The following PCDHA2 variants were observed in gnomAD, a reference collection of about 807,000 sequenced individuals.
PCDHA2 encodes protocadherin alpha-2.
A neutral mutation model predicts 66.0 loss-of-function variants in PCDHA2; 58 were observed. The observed-to-expected ratio is 0.88, with a 90% CI of 0.71 to 1.09. The LOEUF (loss-of-function observed/expected upper bound fraction) is 1.09, where lower values mean the gene tolerates loss of function less well. Ranked by LOEUF, PCDHA2 falls within the 50% of genes least tolerant of loss-of-function variation. The pLI, the probability that PCDHA2 is intolerant of heterozygous loss-of-function variation, is 0.00. For synonymous variants in PCDHA2, 634 were observed against 554.0 expected, an observed-to-expected ratio of 1.14 and a Z score of -2.03; for missense variants, 1,267 against 1,242.3, an observed-to-expected ratio of 1.02 and a Z score of -0.30.
chr5:141,001,126 C>A (rs2097993222), intron 3 of PCDHA2, among the ~76,000 whole-genome samples: 1 of 151,970 alleles, frequency 6.6e-6, no homozygotes, highest in African/African-American at 2.4e-5. Context: ...AGTCCTTAAA[C>A]AAATGAATCT....
chr5:140,936,054 G>A (rs1198755229), intron 1 of PCDHA2, among the ~76,000 whole-genome samples: 2 of 151,770 alleles, frequency 1.3e-5, no homozygotes, highest in Non-Finnish European at 1.5e-5. Flanking sequence ...CACCACACCC[G>A]GCTAATTTTT....
chr5:140,924,830 G>T (rs1240824600), intron 1 of PCDHA2, among the ~76,000 whole-genome samples: 3 of 151,612 alleles, frequency 2.0e-5, no homozygotes, highest in Non-Finnish European at 4.4e-5. Flanking sequence ...GGGAGGGGGA[G>T]GTTGCAGGGA....
At chr5:140,925,146 A>G (rs1467973124) in intron 1 of PCDHA2, among the ~76,000 whole-genome samples, 5 of 151,742 alleles carry the variant, frequency 3.3e-5, no homozygotes, top group Admixed American at 3.3e-4. Flanking sequence ...AACATACACA[A>G]AAGTTGAGAG....
Position 140,854,236 on chromosome 5 carries a change from A to C in PCDHA2, c.2388+56884A>C, listed in dbSNP as rs2043047042. 3.1e-6 allele frequency: 2 copies of C among 638,488 alleles called. 1 individual carries two copies. The highest frequency in any genetic ancestry group is 4.0e-5 in the African/African-American group (2 of 50,146). The allele number at this position is 638,488 out of a possible 1,614,324, so 39.6% of individuals were successfully genotyped here. On this transcript the variant is annotated intron_variant, in intron 1 of 3. Transcript: ENST00000526136. ...ATTGGACATCTACATTGGGATATTT[A>C]TGTTATCACTTGGTATAAAATGTAC... is the stretch of plus-strand genomic sequence containing the variant.
At chr5:140,954,222 G>A (rs2094999300) in intron 1 of PCDHA2, among the ~76,000 whole-genome samples, 1 of 152,132 alleles carries the variant, frequency 6.6e-6, no homozygotes, top group African/African-American at 2.4e-5. Context: ...TTTTGCTATT[G>A]TGAATAGTGC....
intron 1 of PCDHA2, chr5:140,830,378 G>T: frequency 6.2e-7 from 1 of 1,614,122 alleles, no homozygotes; most frequent in African/African-American, 1.3e-5. Flanking sequence ...CTCCGGGGAG[G>T]GCCCACCCAA....
At chr5:140,967,585 C>T (rs1278675624) in intron 1 of PCDHA2, 1 of 1,614,152 alleles carries the variant, frequency 6.2e-7, no homozygotes, top group Non-Finnish European at 8.5e-7. Flanking sequence ...CACCCCCAGG[C>T]ACATTGGTGG....
chr5:140,872,160 C>A (rs782612001), intron 1 of PCDHA2, among the ~76,000 whole-genome samples: 10 of 151,070 alleles, frequency 6.6e-5, no homozygotes, highest in African/African-American at 9.8e-5. Context: ...ACATGATTTA[C>A]TTTTCTTTTT....
At position 140,796,909 on chromosome 5, in the gene PCDHA2, G is replaced by A. The variant is rs782163071; in HGVS notation, c.1945G>A (p.Val649Met). ...TGACTCCCCTCGACACCGCCTACTC[G>A]TGCTGGTGAAGGACCACGGCGAACC... ...EADSPRHRLL[V>M]LVKDHGEPAL... Residue 649 changes from valine to methionine, a missense_variant, in exon 1 of 4, where the codon GTG becomes ATG. Physicochemically the swap from Val to Met is conservative, Grantham distance 21. Coordinates refer to ENST00000526136, the MANE Select transcript of PCDHA2 (RefSeq NM_018905.3). 6.2e-7 allele frequency: 1 copy of A among 1,613,812 alleles called. No homozygotes were observed. The highest frequency in any genetic ancestry group is 1.3e-5 in the African/African-American group (1 of 74,944).
intron 1 of PCDHA2, among the ~76,000 whole-genome samples, chr5:140,895,848 G>C (rs147299280): frequency 2.2e-3 from 342 of 152,098 alleles, no homozygotes; most frequent in African/African-American, 8.1e-3. Context: ...TCTCACTCTT[G>C]TACCCCAGGC....
chr5:140,870,792 A>G (rs782032105), intron 1 of PCDHA2: 5 of 1,613,658 alleles, frequency 3.1e-6, no homozygotes, highest in East Asian at 2.2e-5. Flanking sequence ...ACGCGCCGGC[A>G]CTGCTGGCGA....
At chr5:140,797,501 A>G in intron 1 of PCDHA2, 149 bp downstream of exon 1, 2 of 931,034 alleles carry the variant, frequency 2.1e-6, no homozygotes, top group Non-Finnish European at 3.2e-6. Flanking sequence ...AGATCAATTT[A>G]TTGCATTTAC....
At chr5:140,917,326 G>GA (rs1425389614) in intron 1 of PCDHA2, among the ~76,000 whole-genome samples, 3 of 149,490 alleles carry the variant, frequency 2.0e-5, no homozygotes, top group Non-Finnish European at 4.5e-5. Flanking sequence ...TCATGTGGCG[G>GA]GGGAGGGGGG....
At chr5:140,883,342 C>T in intron 1 of PCDHA2, 1 of 1,614,154 alleles carries the variant, frequency 6.2e-7, no homozygotes, top group Non-Finnish European at 8.5e-7. Flanking sequence ...TGTCACTCCC[C>T]ATCAGAGAAG....
At chr5:140,870,919 C>G in intron 1 of PCDHA2, 1 of 1,613,952 alleles carries the variant, frequency 6.2e-7, no homozygotes, top group South Asian at 1.1e-5. Context: ...CAACGCGTGG[C>G]TTTCATATGA....
intron 2 of PCDHA2, among the ~76,000 whole-genome samples, chr5:140,979,622 T>C (rs1300997272): frequency 6.6e-6 from 1 of 152,246 alleles, no homozygotes; most frequent in Non-Finnish European, 1.5e-5. Flanking sequence ...GGTATTAGTC[T>C]AAGACTCAGA....
intron 1 of PCDHA2, chr5:140,857,495 G>T: frequency 6.3e-7 from 1 of 1,598,344 alleles, no homozygotes; most frequent in Non-Finnish European, 8.6e-7. Context: ...GGACGCGGAC[G>T]CGCAGGAGAA....
chr5:140,842,604 G>C, intron 1 of PCDHA2: 4 of 1,550,196 alleles, frequency 2.6e-6, no homozygotes, highest in Non-Finnish European at 3.5e-6. Context: ...GTAACCGCGC[G>C]GGACGGGGGC....
chr5:140,978,103 A>T (rs2096789005), intron 1 of PCDHA2, among the ~76,000 whole-genome samples: 1 of 152,106 alleles, frequency 6.6e-6, no homozygotes, highest in South Asian at 2.1e-4. Context: ...AACTCCCCCA[A>T]CAGTCTTTAA....
Sources: gnomAD v4.1 joint callset for allele counts (sites outside exome capture counted in the v4.1 genomes callset) on GRCh38, gnomAD v4.1.1 for gene constraint, MANE v1.5 for transcripts, NCBI Gene and HGNC (gene_info 2026-07-23, HGNC 2026-07-21) for gene names.